The following ME3 variants were observed in gnomAD, a reference collection of about 807,000 sequenced individuals.
ME3 encodes the protein NADP-dependent malic enzyme, mitochondrial.
ME3 carries 48 observed loss-of-function variants against 68.9 expected under a neutral mutation model. The observed-to-expected ratio is 0.70, with a 90% CI of 0.55 to 0.89. The LOEUF (loss-of-function observed/expected upper bound fraction) is 0.89. Among genes scored for constraint, ME3 ranks in the 40% least tolerant of loss-of-function variants. The pLI is 0.00. For synonymous variants in ME3, 320 were observed against 318.8 expected, an observed-to-expected ratio of 1.00 and a Z score of -0.04; for missense variants, 675 against 797.4, an observed-to-expected ratio of 0.85 and a Z score of 1.85.
intron 2 of ME3, among the ~76,000 whole-genome samples, chr11:86,651,735 G>A (rs1392720480): frequency 6.6e-6 from 1 of 152,244 alleles, no homozygotes. Flanking sequence ...ATGGAATAAA[G>A]CTGGATGGAG....
chr11:86,536,135 C>T (rs542051104), intron 4 of ME3, among the ~76,000 whole-genome samples: 1 of 152,268 alleles, frequency 6.6e-6, no homozygotes, highest in South Asian at 2.1e-4. Flanking sequence ...AGGGGGCTGC[C>T]TTGTCTGTTG....
chr11:86,515,735 G>C (rs1252715440), intron 4 of ME3, among the ~76,000 whole-genome samples: 1 of 152,138 alleles, frequency 6.6e-6, no homozygotes, highest in African/African-American at 2.4e-5. Flanking sequence ...AGTCATTTAG[G>C]TGCCAAGGAG....
At chr11:86,457,853 C>T in intron 8 of ME3, 1 of 1,164,562 alleles carries the variant, frequency 8.6e-7, no homozygotes, top group African/African-American at 1.6e-5. Flanking sequence ...GTTGTAGCTT[C>T]AGGAAATAGC....
intron 2 of ME3, among the ~76,000 whole-genome samples, chr11:86,659,857 T>G (rs1455496022): frequency 1.3e-5 from 2 of 152,222 alleles, no homozygotes; most frequent in Non-Finnish European, 2.9e-5. Flanking sequence ...GATAGCTGAA[T>G]GGATGGATGG....
intron 6 of ME3, among the ~76,000 whole-genome samples, chr11:86,495,376 T>C (rs1043316679): frequency 3.9e-5 from 6 of 152,340 alleles, no homozygotes; most frequent in African/African-American, 1.2e-4. Flanking sequence ...CAGCATATCA[T>C]TGCTGAGTGC....
exon 12 of ME3, chr11:86,447,197 G>A: frequency 6.2e-7 from 1 of 1,614,070 alleles, no homozygotes; most frequent in Non-Finnish European, 8.5e-7. Context: ...CTCCTGCGAT[G>A]GCAGCAACAC....
chr11:86,506,837 C>T (rs530252188), intron 5 of ME3, among the ~76,000 whole-genome samples: 4 of 152,320 alleles, frequency 2.6e-5, no homozygotes, highest in Admixed American at 2.6e-4. Context: ...TTAGTCCATC[C>T]AGTAAGCTGG....
At chr11:86,639,479 A>T (rs4944614) in intron 2 of ME3, among the ~76,000 whole-genome samples, 53,388 of 152,092 alleles carry the variant, frequency 0.35, 10,979 homozygotes, top group Non-Finnish European at 0.46. Flanking sequence ...TGGCACAAAA[A>T]CATACATCTA....
intron 4 of ME3, among the ~76,000 whole-genome samples, chr11:86,536,472 G>A (rs201622451): frequency 0.093 from 11,165 of 120,332 alleles, 672 homozygotes; most frequent in South Asian, 0.16. Context: ...AAAAGTGGGC[G>A]AAGGACATGA....
intron 3 of ME3, among the ~76,000 whole-genome samples, chr11:86,557,171 G>A (rs998330951): frequency 2.0e-5 from 3 of 152,134 alleles, no homozygotes; most frequent in African/African-American, 7.2e-5. Context: ...GTGGGGTAGG[G>A]TCAAGGAAAA....
intron 2 of ME3, among the ~76,000 whole-genome samples, chr11:86,567,724 C>T (rs118129522): frequency 0.015 from 2,360 of 152,292 alleles, 27 homozygotes; most frequent in Non-Finnish European, 0.023. Context: ...AGCTACTTTT[C>T]ATCCTGAAGC....
chr11:86,602,804 C>G (rs1223385372), intron 2 of ME3, among the ~76,000 whole-genome samples: 1 of 152,144 alleles, frequency 6.6e-6, no homozygotes, highest in Admixed American at 6.5e-5. Context: ...CACATATCTA[C>G]AACTATCTGA....
chr11:86,670,549 C>G (rs531407643), intron 2 of ME3, among the ~76,000 whole-genome samples: 59 of 152,170 alleles, frequency 3.9e-4, no homozygotes, highest in Non-Finnish European at 5.9e-4. Flanking sequence ...AAAGTGGTAG[C>G]GTCCAAACAA....
intron 6 of ME3, 128 bp downstream of exon 6, chr11:86,497,834 TG>T: frequency 9.1e-7 from 1 of 1,098,156 alleles, no homozygotes; most frequent in Non-Finnish European, 1.3e-6. Flanking sequence ...GGGAATGCCC[TG>T]GTCGGGAGGA....
At chr11:86,649,366 G>C (rs1945246394) in intron 2 of ME3, among the ~76,000 whole-genome samples, 1 of 152,120 alleles carries the variant, frequency 6.6e-6, no homozygotes, top group Non-Finnish European at 1.5e-5. Context: ...CATACTGAAT[G>C]GGCACAAGCT....
rs146609511 is a variant in ME3 at position 86,634,871 on chromosome 11, C to T, written c.183+36891G>A. Reference sequence around the variant, plus strand: ...AACAAACCATAGAAGTTAATTTAAACAGGATTATCCATTTTAATTGACTTG... The same window carrying T: ...AACAAACCATAGAAGTTAATTTAAATAGGATTATCCATTTTAATTGACTTG... On this transcript the variant is annotated intron_variant, in intron 2 of 14. Transcript: ENST00000543262. Among the ~76,000 whole-genome samples, 242 of 152,264 alleles carry T rather than the reference C, an allele frequency of 1.6e-3. 1 individual carries two copies. Among genetic ancestry groups the T allele is most frequent in the African/African-American group, 5.2e-3 (218 of 41,550 alleles).
chr11:86,607,005 G>A (rs1430292782), intron 2 of ME3, among the ~76,000 whole-genome samples: 1 of 152,162 alleles, frequency 6.6e-6, no homozygotes, highest in African/African-American at 2.4e-5. Context: ...TACATTTCTT[G>A]TAAACCAACA....
intron 2 of ME3, among the ~76,000 whole-genome samples, chr11:86,571,475 C>T (rs1957786184): frequency 1.3e-5 from 2 of 152,206 alleles, no homozygotes; most frequent in Non-Finnish European, 2.9e-5. Flanking sequence ...TCTGTATCTG[C>T]GCTGTCCAAT....
intron 4 of ME3, among the ~76,000 whole-genome samples, chr11:86,538,534 A>C (rs780942357): frequency 1.3e-5 from 2 of 152,110 alleles, no homozygotes; most frequent in African/African-American, 4.8e-5. Flanking sequence ...CACAGTTCAC[A>C]ATCTGACAAT....
Sources: gnomAD v4.1 joint callset for allele counts (sites outside exome capture counted in the v4.1 genomes callset) on GRCh38, gnomAD v4.1.1 for gene constraint, MANE v1.5 for transcripts, NCBI Gene and HGNC (gene_info 2026-07-23, HGNC 2026-07-21) for gene names.